Variants in TMEM161B observed in about 807,000 individuals in gnomAD.
TMEM161B encodes transmembrane protein 161B.
In TMEM161B, 34 loss-of-function variants were observed where a neutral mutation model predicts 61.8. The observed-to-expected ratio is 0.55, with a 90% CI of 0.42 to 0.73. TMEM161B has a LOEUF of 0.73. TMEM161B is among the 30% of genes least tolerant of loss of function. The pLI is 0.00. For missense variants in TMEM161B, 456 were observed against 558.5 expected (o/e 0.82, Z 1.85); for synonymous variants, 167 against 192.8 (o/e 0.87, Z 1.11).
At chr5:88,193,343 A>G (rs1000802802), downstream of TMEM161B, among the ~76,000 whole-genome samples, 1 of 152,170 alleles carries the variant, frequency 6.6e-6, no homozygotes, top group Non-Finnish European at 1.5e-5. Flanking sequence ...GCTTTGAAGC[A>G]TATTATATTG....
At chr5:88,221,316 C>G (rs1748931162) in intron 4 of TMEM161B, 1 of 173,774 alleles carries the variant, frequency 5.8e-6, no homozygotes, top group Non-Finnish European at 1.2e-5. Context: ...GTCAGGAGTT[C>G]AAGACTATCC....
intron 1 of TMEM161B, among the ~76,000 whole-genome samples, chr5:88,244,585 T>C (rs1247447420): frequency 8.1e-5 from 6 of 73,844 alleles, no homozygotes; most frequent in African/African-American, 5.1e-4. Flanking sequence ...CCAGCTTTGC[T>C]TTTTTTTTTT....
rs1749488044 is a variant in TMEM161B, at chr5:88,195,544, G to A, written c.*667C>T. ...ATGGCAAGATTACAAATGTTCATATGGCCAATCATTTTAAAAGAACTCTCA... is the reference window on the plus strand; with the variant it reads ...ATGGCAAGATTACAAATGTTCATATAGCCAATCATTTTAAAAGAACTCTCA... On this transcript the variant is annotated 3_prime_UTR_variant, in exon 12 of 12. Coordinates refer to ENST00000296595, the MANE Select transcript of TMEM161B (RefSeq NM_153354.5). The A allele has an allele frequency of 1.0e-6, 1 of 984,972 alleles. No homozygotes were observed. The highest frequency in any genetic ancestry group is 1.8e-5 in the African/African-American group (1 of 57,082). The allele number at this position is 984,972 out of a possible 1,614,324, so 61.0% of individuals were successfully genotyped here.
intron 5 of TMEM161B, among the ~76,000 whole-genome samples, chr5:88,217,711 AGAT>A (rs1748146861): frequency 6.6e-6 from 1 of 152,142 alleles, no homozygotes; most frequent in African/African-American, 2.4e-5. Context: ...GAGGGTAAAA[AGAT>A]AATCTCTGGC....
intron 1 of TMEM161B, among the ~76,000 whole-genome samples, chr5:88,245,857 C>T (rs183819763): frequency 1.3e-5 from 2 of 152,004 alleles, no homozygotes; most frequent in African/African-American, 4.8e-5. Flanking sequence ...GCTGGATTGA[C>T]TAGAATTAGG....
At chr5:88,188,112 T>C (rs1202120019), downstream of TMEM161B, among the ~76,000 whole-genome samples, 2 of 150,920 alleles carry the variant, frequency 1.3e-5, no homozygotes, top group Non-Finnish European at 3.0e-5. Flanking sequence ...GTATTTTTAC[T>C]TTTTTTTTGG....
At position 88,240,850 on chromosome 5, in the gene TMEM161B, G is replaced by A; in HGVS notation, c.70C>T (p.His24Tyr). Residue 24 changes from histidine to tyrosine, a missense_variant, in exon 2 of 12, where the codon CAC becomes TAC. His to Tyr is a moderately conservative substitution (Grantham distance 83). Coordinates refer to ENST00000296595, the MANE Select transcript of TMEM161B (RefSeq NM_153354.5). ...AGTAGCCATCGAGCAAGAGAATAGT[G>A]AGGTATAATCTTCTGCATGACACTG... ...MASVMQKIIP[H>Y]YSLARWLLCN... 6.2e-7 allele frequency: 1 copy of A among 1,611,650 alleles called. No homozygotes were observed. Among genetic ancestry groups the A allele is most frequent in the Non-Finnish European group, 8.5e-7 (1 of 1,178,414 alleles).
chr5:88,200,159 G>A (rs1314716619), intron 9 of TMEM161B: 2 of 151,602 alleles, frequency 1.3e-5, no homozygotes, highest in South Asian at 2.1e-4. Context: ...AATTTTGCTC[G>A]AACTGTTTAT....
chr5:88,219,561 A>G (rs1263822461), intron 5 of TMEM161B, among the ~76,000 whole-genome samples: 1 of 152,184 alleles, frequency 6.6e-6, no homozygotes, highest in Non-Finnish European at 1.5e-5. Context: ...GCACAAGGAT[A>G]AAATGTCAGA....
At chr5:88,251,759 T>C (rs1754369205) in intron 1 of TMEM161B, among the ~76,000 whole-genome samples, 1 of 152,210 alleles carries the variant, frequency 6.6e-6, no homozygotes, top group Non-Finnish European at 1.5e-5. Context: ...ACAGAAATTA[T>C]ATCTATAAAT....
intron 1 of TMEM161B, among the ~76,000 whole-genome samples, chr5:88,258,211 A>C (rs1351229142): frequency 6.6e-6 from 1 of 152,216 alleles, no homozygotes; most frequent in Non-Finnish European, 1.5e-5. Flanking sequence ...ATCTGTCCCT[A>C]TTGACTAGAA....
At chr5:88,190,314 C>G (rs577126623), downstream of TMEM161B, 1 of 697,704 alleles carries the variant, frequency 1.4e-6, no homozygotes, top group Non-Finnish European at 2.6e-6. Flanking sequence ...CTGACAAATG[C>G]GAGATGTAGA....
Position 88,203,260 on chromosome 5 carries a change from A to G in TMEM161B, c.801-185T>C, listed in dbSNP as rs78562300. On this transcript the variant is annotated intron_variant, in intron 8 of 11. Transcript: ENST00000296595. ...TTAACACTGATTTGAGCCTGTGAGA[A>G]ATTATATCATTATCTTAATTTTTCA... is the stretch of plus-strand genomic sequence containing the variant. Among the ~76,000 whole-genome samples the G allele has an allele frequency of 5.9e-3, 901 of 152,214 alleles. 17 individuals are homozygous for G. The highest frequency in any genetic ancestry group is 0.021 in the African/African-American group (870 of 41,536).
intron 1 of TMEM161B, among the ~76,000 whole-genome samples, chr5:88,245,719 G>C (rs1753513983): frequency 6.6e-6 from 1 of 151,968 alleles, no homozygotes; most frequent in Non-Finnish European, 1.5e-5. Context: ...ATAAACTGGG[G>C]AAGAGGGCAT....
At chr5:88,205,776 T>C (rs1745345025) in intron 8 of TMEM161B, 38 bp downstream of exon 8, 1 of 1,602,426 alleles carries the variant, frequency 6.2e-7, no homozygotes, top group Non-Finnish European at 8.5e-7. Context: ...GGAAAACATA[T>C]ATTTATCTGC....
chr5:88,245,277 T>A (rs1753431003), intron 1 of TMEM161B, among the ~76,000 whole-genome samples: 2 of 151,960 alleles, frequency 1.3e-5, no homozygotes, highest in Non-Finnish European at 2.9e-5. Flanking sequence ...TTCTTTCACA[T>A]TTCCTATCAT....
At chr5:88,255,358 A>G (rs1396258332) in intron 1 of TMEM161B, among the ~76,000 whole-genome samples, 1 of 152,208 alleles carries the variant, frequency 6.6e-6, no homozygotes, top group Non-Finnish European at 1.5e-5. Context: ...ACATACCTGC[A>G]GCGCTTACAG....
intron 4 of TMEM161B, chr5:88,221,522 A>C (rs891870705): frequency 3.2e-6 from 1 of 316,892 alleles, no homozygotes; most frequent in Non-Finnish European, 6.3e-6. Context: ...TAATAAACTA[A>C]ATATACCTCT....
rs201032572 is a variant in TMEM161B at position 88,198,994 on chromosome 5, C to T, written c.1071G>A (p.Thr357=). ...AACTTACCATTTTCTGTAGCTCAAC[C>T]GTGCTTATTCGCCCCGCTTCTTTCT... ...QMKKEAGRIS[T]VELQKMVARV... Residue 357 remains threonine (T), a synonymous_variant, in exon 10 of 12, where the codon ACG becomes ACA. Coordinates refer to ENST00000296595, the MANE Select transcript of TMEM161B (RefSeq NM_153354.5). 2.2e-5 allele frequency: 36 copies of T among 1,612,304 alleles called. No homozygotes were observed. Among genetic ancestry groups the T allele is most frequent in the Non-Finnish European group, 2.6e-5 (31 of 1,179,184 alleles).
Sources: allele counts gnomAD v4.1 joint callset (sites outside exome capture counted in the v4.1 genomes callset), GRCh38; gene constraint gnomAD v4.1.1; transcripts MANE v1.5; gene names NCBI Gene and HGNC (gene_info 2026-07-23, HGNC 2026-07-21).